Variants in ATE1 observed in about 807,000 individuals in gnomAD.
The protein encoded by ATE1 is arginyl-tRNA--protein transferase 1.
In ATE1, 36 loss-of-function variants were observed where a neutral mutation model predicts 70.5. That is an observed-to-expected ratio of 0.51 (90% confidence interval 0.39 to 0.67). The LOEUF (loss-of-function observed/expected upper bound fraction) is 0.67. ATE1 is among the 30% of genes least tolerant of loss of function. The pLI, the probability that ATE1 is intolerant of heterozygous loss-of-function variation, is 0.00. For missense variants in ATE1, 593 were observed against 629.5 expected (o/e 0.94, Z 0.62); for synonymous variants, 232 against 219.3 (o/e 1.06, Z -0.51).
chr10:121,878,658 C>T (rs1368845490), intron 7 of ATE1, among the ~76,000 whole-genome samples: 2 of 151,262 alleles, frequency 1.3e-5, no homozygotes, highest in Non-Finnish European at 2.9e-5. Context: ...ATGCACTTTA[C>T]TACACTATAA....
chr10:121,906,069 G>A (rs150962226), intron 5 of ATE1, among the ~76,000 whole-genome samples: 1 of 152,180 alleles, frequency 6.6e-6, no homozygotes, highest in Non-Finnish European at 1.5e-5. Flanking sequence ...TAAGTCCAAG[G>A]GAATAGATTT....
At chr10:121,873,503 T>C (rs116503017) in intron 7 of ATE1, among the ~76,000 whole-genome samples, 2,241 of 152,226 alleles carry the variant, frequency 0.015, 51 homozygotes, top group African/African-American at 0.052. Flanking sequence ...AAGCACTTAA[T>C]GCTTACCAAA....
At chr10:121,892,770 C>T (rs1950625064) in intron 7 of ATE1, among the ~76,000 whole-genome samples, 1 of 152,044 alleles carries the variant, frequency 6.6e-6, no homozygotes. Context: ...CTGCCTTGGC[C>T]TCCCAAAGTG....
At chr10:121,835,873 C>T (rs1048055058) in intron 10 of ATE1, among the ~76,000 whole-genome samples, 5 of 152,050 alleles carry the variant, frequency 3.3e-5, no homozygotes, top group African/African-American at 1.2e-4. Flanking sequence ...TTCAATTACA[C>T]TTTTTTCTTT....
rs758712943 is a variant in ATE1 at position 121,790,281 on chromosome 10, A to G, written c.1266T>C (p.Tyr422=). 2 of 1,613,286 alleles carry G rather than the reference A, an allele frequency of 1.2e-6. No individual in the cohort carries two copies. Among genetic ancestry groups the G allele is most frequent in the Non-Finnish European group, 8.5e-7 (1 of 1,179,768 alleles). Residue 422 remains tyrosine, a synonymous_variant, in exon 11 of 12, where the codon TAT becomes TAC. Transcript: ENST00000224652. ...SCPKMKYKGQ[Y]RPSDLLCPET... ...CAGGGCACAGCAAATCAGAAGGTCT[A>G]TACTGACCCTGAAGAAAAGTGAAGG... is the stretch of plus-strand genomic sequence containing the variant.
chr10:121,826,846 C>T (rs750854766), intron 10 of ATE1, among the ~76,000 whole-genome samples: 14 of 152,168 alleles, frequency 9.2e-5, no homozygotes, highest in Non-Finnish European at 1.8e-4. Context: ...GTCTAGCTCC[C>T]ACTTATAAGT....
At chr10:121,919,653 C>G (rs573111751) in intron 3 of ATE1, among the ~76,000 whole-genome samples, 3 of 152,068 alleles carry the variant, frequency 2.0e-5, no homozygotes, top group African/African-American at 7.2e-5. Flanking sequence ...TGGTGGCTCA[C>G]GCCTGAAATC....
At position 121,870,424 on chromosome 10, in the gene ATE1, A is replaced by G. The variant is rs79557884; in HGVS notation, c.943-386T>C. Among the ~76,000 whole-genome samples, 71 of 152,306 alleles carry G rather than the reference A, an allele frequency of 4.7e-4. 2 individuals are homozygous for G. In the East Asian group the frequency reaches 0.013, roughly 28 times the overall value. ...CAGGCAAAGTTCAGTAAATGCCAAGAGAAGAAGATATAAACCAATGAGGAG... is the reference window on the plus strand; with the variant it reads ...CAGGCAAAGTTCAGTAAATGCCAAGGGAAGAAGATATAAACCAATGAGGAG... On this transcript the variant is annotated intron_variant, in intron 7 of 11. Coordinates refer to ENST00000224652, the MANE Select transcript of ATE1 (RefSeq NM_001001976.3).
At chr10:121,818,635 T>C (rs1284335208) in intron 10 of ATE1, among the ~76,000 whole-genome samples, 1 of 152,186 alleles carries the variant, frequency 6.6e-6, no homozygotes, top group Non-Finnish European at 1.5e-5. Context: ...TACCCAAAGG[T>C]CTATTCTATT....
intron 7 of ATE1, among the ~76,000 whole-genome samples, chr10:121,894,886 G>A (rs1189882453): frequency 6.6e-6 from 1 of 151,956 alleles, no homozygotes; most frequent in Non-Finnish European, 1.5e-5. Context: ...GGGCGACAGA[G>A]TGAGACTCTG....
At chr10:121,898,892 C>T (rs768890926) in intron 7 of ATE1, 5 of 1,613,868 alleles carry the variant, frequency 3.1e-6, no homozygotes, top group Non-Finnish European at 3.4e-6. Context: ...CCACTTGATA[C>T]TTGACATACA....
chr10:121,861,209 A>G (rs541236359), intron 8 of ATE1, among the ~76,000 whole-genome samples: 1 of 152,292 alleles, frequency 6.6e-6, no homozygotes, highest in South Asian at 2.1e-4. Context: ...GTCTTAAATG[A>G]CTTGGATTTT....
At chr10:121,809,446 T>C (rs1947229569) in intron 10 of ATE1, among the ~76,000 whole-genome samples, 1 of 152,166 alleles carries the variant, frequency 6.6e-6, no homozygotes, top group Admixed American at 6.5e-5. Flanking sequence ...ACCCATTTCA[T>C]CACACTGAAT....
At position 121,849,494 on chromosome 10, in the gene ATE1, T is replaced by G. The variant is rs142069585; in HGVS notation, c.976-8231A>C. On this transcript the variant is annotated intron_variant, in intron 8 of 11. Transcript: ENST00000224652. ...GACATTACTCCCATCTCTCAATTCC[T>G]GTGGAAGCTGGGGTCTTCCCCAAAT... is the stretch of plus-strand genomic sequence containing the variant. Among the ~76,000 whole-genome samples, 86 of 152,308 alleles carry G rather than the reference T, an allele frequency of 5.6e-4. 1 individual carries two copies. In the East Asian group the frequency reaches 0.016, roughly 29 times the overall value.
chr10:121,790,024 T>C (rs1240063564), intron 11 of ATE1, 145 bp downstream of exon 11: 3 of 1,086,998 alleles, frequency 2.8e-6, no homozygotes, highest in Admixed American at 7.3e-5. Context: ...AGTCTTCCTC[T>C]ATCTTACACA....
At chr10:121,899,087 G>A (rs3750836) in intron 7 of ATE1, 189,919 of 1,212,436 alleles carry the variant, frequency 0.16, 15,845 homozygotes, top group East Asian at 0.17. Context: ...ACTCGAATTT[G>A]TCATGAAAAG....
chr10:121,866,619 G>A (rs913067942), intron 8 of ATE1, among the ~76,000 whole-genome samples: 47 of 152,056 alleles, frequency 3.1e-4, no homozygotes, highest in Admixed American at 9.8e-4. Flanking sequence ...AGGACCAGGC[G>A]GGTGGATCAC....
chr10:121,776,282 C>G (rs968395481), intron 11 of ATE1, among the ~76,000 whole-genome samples: 8 of 152,106 alleles, frequency 5.3e-5, no homozygotes, highest in African/African-American at 1.9e-4. Context: ...TTTTATCTAA[C>G]TGTATTTTTA....
rs112775971 is a variant in ATE1, at chr10:121,790,029, T to TACGTAC, written c.1378+139_1378+140insGTACGT. 2.3e-3 allele frequency: 2,009 copies of TACGTAC among 889,168 alleles called. 10 individuals carry two copies. Among genetic ancestry groups the TACGTAC allele is most frequent in the South Asian group, 7.1e-3 (327 of 45,984 alleles). 55.1% of individuals were successfully genotyped at this position (889,168 alleles called of 1,614,324 possible). On this transcript the variant is annotated intron_variant, in intron 11 of 11. Coordinates refer to ENST00000224652, the MANE Select transcript of ATE1 (RefSeq NM_001001976.3). ...GCATGTGCAAAGTCTTCCTCTATCT[T>TACGTAC]ACACACACACACACACTCATGCACA... is the stretch of plus-strand genomic sequence containing the variant.
Sources: gnomAD v4.1 joint callset for allele counts (sites outside exome capture counted in the v4.1 genomes callset) on GRCh38, gnomAD v4.1.1 for gene constraint, MANE v1.5 for transcripts, NCBI Gene and HGNC (gene_info 2026-07-23, HGNC 2026-07-21) for gene names.